Variants in MRPL19 observed in about 807,000 individuals in gnomAD.
MRPL19 encodes the protein mitochondrial ribosomal protein L19, also known as large ribosomal subunit protein bL19m.
In MRPL19, 31 loss-of-function variants were observed where a neutral mutation model predicts 34.0. The observed-to-expected ratio is 0.91, with a 90% confidence interval of 0.68 to 1.23. MRPL19 has a LOEUF of 1.23. Among genes scored for constraint, MRPL19 ranks in the 50% most tolerant of loss-of-function variants. The pLI, the probability that MRPL19 is intolerant of heterozygous loss-of-function variation, is 0.00. For missense variants in MRPL19, 384 were observed against 367.6 expected, an observed-to-expected ratio of 1.04 and a Z score of -0.37; for synonymous variants, 152 against 127.7, an observed-to-expected ratio of 1.19 and a Z score of -1.28.
In MRPL19 at chr2:75,659,418, T is replaced by A. The variant is rs1427310092; in HGVS notation, c.*4133T>A. 6.6e-6 allele frequency among the ~76,000 whole-genome samples: 1 copy of A among 152,150 alleles called. No homozygotes were observed. The highest frequency in any genetic ancestry group is 6.5e-5 in the Admixed American group (1 of 15,274). ...AAAGTGGAGTTAGAAAACAGTATGATAGTAATACTGACTTTTATATTTGTC... is the reference window on the plus strand; with the variant it reads ...AAAGTGGAGTTAGAAAACAGTATGAAAGTAATACTGACTTTTATATTTGTC... On this transcript the variant is annotated 3_prime_UTR_variant, in exon 6 of 6. Transcript: ENST00000393909.
rs536290776 is a variant in MRPL19 at position 75,658,962 on chromosome 2, G to A, written c.*3677G>A. 1.2e-4 allele frequency among the ~76,000 whole-genome samples: 16 copies of A among 133,168 alleles called. No homozygotes were observed. The South Asian group carries it at 3.7e-3, about 31-fold the overall frequency. 87.4% of individuals were successfully genotyped at this position (133,168 alleles called of 152,430 possible). A position where few individuals can be genotyped will look rare whatever the true frequency, so the allele number is the denominator to read the frequency against. On this transcript the variant is annotated 3_prime_UTR_variant, in exon 6 of 6. Transcript: ENST00000393909. ...TATCTTGTTTTGTTTTGTTTTTTCTGTCCATTCTGCCAATTTCTGCCTTTT... is the reference window on the plus strand; with the variant it reads ...TATCTTGTTTTGTTTTGTTTTTTCTATCCATTCTGCCAATTTCTGCCTTTT...
In MRPL19 at chr2:75,653,251, A is replaced by G. The variant is rs73936758; in HGVS notation, c.475+594A>G. Among the ~76,000 whole-genome samples the G allele has an allele frequency of 9.2e-3, 1,397 of 152,326 alleles. 17 individuals carry two copies. Among genetic ancestry groups the G allele is most frequent in the African/African-American group, 0.032 (1,312 of 41,570 alleles). Reference sequence around the variant, plus strand: ...CTTCATGAAGTTCCAACAACAAAGTATTCTTATTTTCAAAGAAATTGAAAA... The same window carrying G: ...CTTCATGAAGTTCCAACAACAAAGTGTTCTTATTTTCAAAGAAATTGAAAA... On this transcript the variant is annotated intron_variant, in intron 4 of 5. Transcript: ENST00000393909.
Position 75,660,696 on chromosome 2 carries a change from T to C in MRPL19, c.*5411T>C, listed in dbSNP as rs534384632. The C allele has an allele frequency of 6.6e-6, 1 of 152,242 alleles. No individual in the cohort carries two copies. Among genetic ancestry groups the C allele is most frequent in the South Asian group, 2.1e-4 (1 of 4,838 alleles). 9.4% of individuals were successfully genotyped at this position (152,242 alleles called of 1,614,324 possible). On this transcript the variant is annotated 3_prime_UTR_variant, in exon 6 of 6. Transcript: ENST00000393909. ...AGCAGAAAAATCTCTCTCCCAGTCT[T>C]TCCAGTCTTTGTAGATTGGTTCTGT...
rs1448317072 is a variant in MRPL19, at chr2:75,655,044, T to G, written c.658-20T>G. The G allele has an allele frequency of 3.4e-6, 5 of 1,463,530 alleles. No homozygotes were observed. Among genetic ancestry groups the G allele is most frequent in the Non-Finnish European group, 3.6e-6 (4 of 1,103,184 alleles). 90.7% of individuals were successfully genotyped at this position (1,463,530 alleles called of 1,614,324 possible). On this transcript the variant is annotated intron_variant, in intron 5 of 5. Transcript: ENST00000393909. ...CCTAATTATTGCTTTTTTTTTTTTT[T>G]TTTTTTTAATCTTCCTTAGCTGAAA...
At position 75,656,284 on chromosome 2, in the gene MRPL19, C is replaced by T. The variant is rs948793948; in HGVS notation, c.*999C>T. On this transcript the variant is annotated 3_prime_UTR_variant, in exon 6 of 6. Coordinates refer to ENST00000393909, the MANE Select transcript of MRPL19 (RefSeq NM_014763.4). Reference sequence around the variant, plus strand: ...TATAAGCACACATGCTAAAGAAAAACATGTAATTTGGTCCATACTCACCTG... The same window carrying T: ...TATAAGCACACATGCTAAAGAAAAATATGTAATTTGGTCCATACTCACCTG... 6.6e-6 allele frequency: 1 copy of T among 152,126 alleles called. No homozygotes were observed. Among genetic ancestry groups the T allele is most frequent in the African/African-American group, 2.4e-5 (1 of 41,424 alleles). 9.4% of individuals were successfully genotyped at this position (152,126 alleles called of 1,614,324 possible).
chr2:75,661,403 CCT>C lies in MRPL19; in HGVS notation c.*6122_*6123del, dbSNP rs1678616335. 2 of 152,214 alleles carry C rather than the reference CCT, an allele frequency of 1.3e-5. No homozygotes were observed. The highest frequency in any genetic ancestry group is 4.8e-5 in the African/African-American group (2 of 41,506). 9.4% of individuals were successfully genotyped at this position (152,214 alleles called of 1,614,324 possible). A position where few individuals can be genotyped will look rare whatever the true frequency, so the allele number is the denominator to read the frequency against. The stretch of plus-strand genomic sequence containing the variant: ...TCTTGAACTTCTGGCCTCAAGCCAT[CCT>C]CTCATTTCAGCTTCCCAAAGTGCTG... On this transcript the variant is annotated 3_prime_UTR_variant, in exon 6 of 6. Coordinates refer to ENST00000393909, the MANE Select transcript of MRPL19 (RefSeq NM_014763.4).
At position 75,655,045 on chromosome 2, in the gene MRPL19, T is replaced by G; in HGVS notation, c.658-19T>G. 6.8e-7 allele frequency: 1 copy of G among 1,472,434 alleles called. No homozygotes were observed. The highest frequency in any genetic ancestry group is 9.0e-7 in the Non-Finnish European group (1 of 1,108,290). The allele number at this position is 1,472,434 out of a possible 1,614,324, so 91.2% of individuals were successfully genotyped here. Reference sequence around the variant, plus strand: ...CTAATTATTGCTTTTTTTTTTTTTTTTTTTTTAATCTTCCTTAGCTGAAAG... The same window carrying G: ...CTAATTATTGCTTTTTTTTTTTTTTGTTTTTTAATCTTCCTTAGCTGAAAG... On this transcript the variant is annotated intron_variant, in intron 5 of 5. Transcript: ENST00000393909.
At chr2:75,652,299 G>T in intron 3 of MRPL19, 39 bp downstream of exon 3, 1 of 1,412,966 alleles carries the variant, frequency 7.1e-7, no homozygotes, top group South Asian at 1.2e-5. Context: ...TAGTAATTAG[G>T]ATGGCTAGTT....
chr2:75,650,834 G>A (rs1422112739), intron 2 of MRPL19, among the ~76,000 whole-genome samples: 1 of 152,144 alleles, frequency 6.6e-6, no homozygotes, highest in Non-Finnish European at 1.5e-5. Flanking sequence ...TGCTGTGCCA[G>A]GTCTAGAGGG....
chr2:75,650,453 G>A (rs560409706), intron 2 of MRPL19, among the ~76,000 whole-genome samples: 1 of 152,098 alleles, frequency 6.6e-6, no homozygotes, highest in Non-Finnish European at 1.5e-5. Flanking sequence ...AAATCAAAAC[G>A]GGGACACTAA....
chr2:75,647,061 G>A, intron 1 of MRPL19, 41 bp from the exon 2 acceptor site: 2 of 1,540,286 alleles, frequency 1.3e-6, no homozygotes, highest in South Asian at 2.4e-5. Context: ...GGATCTCAGG[G>A]TTGGCACGAG....
chr2:75,650,052 G>A (rs192476328), intron 2 of MRPL19, among the ~76,000 whole-genome samples: 5 of 152,104 alleles, frequency 3.3e-5, no homozygotes, highest in African/African-American at 1.2e-4. Flanking sequence ...ACTATTTTTT[G>A]GTAGGCTTTA....
chr2:75,660,371 A>G lies in MRPL19; in HGVS notation c.*5086A>G, dbSNP rs569616145. ...CTGTGTTTCTTCAGGGATGGTTTTC[A>G]TTATTTTGTTTTCAATGAGCCATAC... On this transcript the variant is annotated 3_prime_UTR_variant, in exon 6 of 6. Transcript: ENST00000393909. 4 of 151,942 alleles carry G rather than the reference A, an allele frequency of 2.6e-5. No homozygotes were observed. The highest frequency in any genetic ancestry group is 1.9e-4 in the East Asian group (1 of 5,168). The allele number at this position is 151,942 out of a possible 1,614,324, so 9.4% of individuals were successfully genotyped here.
At position 75,654,933 on chromosome 2, in the gene MRPL19, T is replaced by A. The variant is rs759002504; in HGVS notation, c.657+16T>A. ...TGTTAATGAGGTATGGGTTATACAT[T>A]TGAAACTAGAAGTTCAAGTATAAAA... On this transcript the variant is annotated intron_variant, in intron 5 of 5. Coordinates refer to ENST00000393909, the MANE Select transcript of MRPL19 (RefSeq NM_014763.4). The A allele has an allele frequency of 8.9e-6, 14 of 1,577,786 alleles. No homozygotes were observed. Among genetic ancestry groups the A allele is most frequent in the Non-Finnish European group, 8.6e-6 (10 of 1,165,886 alleles).
intron 2 of MRPL19, among the ~76,000 whole-genome samples, chr2:75,650,075 T>C (rs1181957304): frequency 1.3e-5 from 2 of 152,112 alleles, no homozygotes. Flanking sequence ...ATTTTCAAAG[T>C]AGAAAATTGA....
Position 75,655,463 on chromosome 2 carries a change from A to G in MRPL19, c.*178A>G. On this transcript the variant is annotated 3_prime_UTR_variant, in exon 6 of 6. Transcript: ENST00000393909. ...TACACCAGTTTATTACTCTAAAAAG[A>G]GAATTACACATGCCAAATGGACCAA... The G allele has an allele frequency of 1.9e-6, 1 of 524,642 alleles. No homozygotes were observed. 32.5% of individuals were successfully genotyped at this position (524,642 alleles called of 1,614,324 possible).
rs189174312 is a variant in MRPL19, at chr2:75,649,805, T to A, written c.222-2337T>A. 4.0e-3 allele frequency among the ~76,000 whole-genome samples: 615 copies of A among 152,120 alleles called. 2 individuals are homozygous for A. Among genetic ancestry groups the A allele is most frequent in the African/African-American group, 0.014 (582 of 41,500 alleles). On this transcript the variant is annotated intron_variant, in intron 2 of 5. Coordinates refer to ENST00000393909, the MANE Select transcript of MRPL19 (RefSeq NM_014763.4). Reference sequence around the variant, plus strand: ...CCACCATGCCTGGCTATTTTAAAAATTTTTTTGTTGTAGAATGAGGTCTCA... The same window carrying A: ...CCACCATGCCTGGCTATTTTAAAAAATTTTTTGTTGTAGAATGAGGTCTCA...
intron 2 of MRPL19, among the ~76,000 whole-genome samples, chr2:75,650,519 A>G (rs1049712769): frequency 6.6e-6 from 1 of 152,180 alleles, no homozygotes; most frequent in African/African-American, 2.4e-5. Flanking sequence ...TTTTTATTCT[A>G]AAACGAATAC....
chr2:75,647,141 C>T lies in MRPL19; in HGVS notation c.143C>T (p.Pro48Leu). 5.7e-6 allele frequency: 9 copies of T among 1,580,538 alleles called. No individual in the cohort carries two copies. Among genetic ancestry groups the T allele is most frequent in the Non-Finnish European group, 7.7e-6 (9 of 1,162,588 alleles). Residue 48 changes from proline (P) to leucine (L), a missense_variant, in exon 2 of 6, where the codon CCT becomes CTT. Physicochemically the swap from Pro to Leu is moderately conservative, Grantham distance 98. Transcript: ENST00000393909. ...CCTGTCCGGCAGCAGAGCACTGGGC[C>T]TTCCGAGCCCGGTGCGTTCCAACCG... is the stretch of plus-strand genomic sequence containing the variant. ...AGPVRQQSTGPSEPGAFQPPP... is the reference protein window; with the variant it reads ...AGPVRQQSTGLSEPGAFQPPP...
Sources: allele counts gnomAD v4.1 joint callset (sites outside exome capture counted in the v4.1 genomes callset), GRCh38; gene constraint gnomAD v4.1.1; transcripts MANE v1.5; gene names NCBI Gene and HGNC (gene_info 2026-07-23, HGNC 2026-07-21).